HPS3: variants seen among roughly 807,000 people sequenced by gnomAD.
HPS3 encodes HPS3 biogenesis of lysosomal organelles complex 2 subunit 1.
A neutral mutation model predicts 110.9 loss-of-function variants in HPS3; 79 were observed. That is an observed-to-expected ratio of 0.71 (90% CI 0.59 to 0.86). HPS3 has a LOEUF of 0.86. Ranked by LOEUF, HPS3 falls within the 40% of genes least tolerant of loss-of-function variation. The pLI is 0.00. For missense variants in HPS3, 1,197 were observed against 1,206.2 expected, an observed-to-expected ratio of 0.99 and a Z score of 0.11; for synonymous variants, 428 against 451.0, an observed-to-expected ratio of 0.95 and a Z score of 0.65.
intron 4 of HPS3, among the ~76,000 whole-genome samples, chr3:149,142,879 C>G (rs1223166021): frequency 6.6e-6 from 1 of 152,050 alleles, no homozygotes; most frequent in African/African-American, 2.4e-5. Flanking sequence ...CTGACCTCAT[C>G]TTGAGGTCAG....
At chr3:149,138,126 C>T (rs1304364209) in intron 1 of HPS3, among the ~76,000 whole-genome samples, 1 of 152,090 alleles carries the variant, frequency 6.6e-6, no homozygotes, top group African/African-American at 2.4e-5. Context: ...AGGCATTCTA[C>T]GATCTCCAGG....
At chr3:149,139,678 G>A (rs1414518735) in intron 1 of HPS3, among the ~76,000 whole-genome samples, 1 of 152,160 alleles carries the variant, frequency 6.6e-6, no homozygotes, top group African/African-American at 2.4e-5. Context: ...TGAATTCTGT[G>A]TCAGTAGAGC....
chr3:149,144,184 G>A (rs183700691), intron 4 of HPS3, among the ~76,000 whole-genome samples: 2 of 150,778 alleles, frequency 1.3e-5, no homozygotes, highest in Non-Finnish European at 2.9e-5. Flanking sequence ...AGACCAGCCT[G>A]GCCAATATGG....
chr3:149,162,274 G>A lies in HPS3; in HGVS notation c.2233G>A (p.Val745Ile), dbSNP rs1483219181. 6.2e-7 allele frequency: 1 copy of A among 1,614,024 alleles called. No individual in the cohort carries two copies. Among genetic ancestry groups the A allele is most frequent in the Admixed American group, 1.7e-5 (1 of 59,980 alleles). Reference protein sequence around the residue: ...ETQPGLLVASVLGLQKNNKIG... With the variant: ...ETQPGLLVASILGLQKNNKIG... ...TCAGCCTGGATTGCTTGTGGCTTCAGTTCTGGGCTTGCAGAAGAACAACAA... is the reference window on the plus strand; with the variant it reads ...TCAGCCTGGATTGCTTGTGGCTTCAATTCTGGGCTTGCAGAAGAACAACAA... Residue 745 changes from valine to isoleucine, a missense_variant, in exon 12 of 17, where the codon GTT (valine) becomes ATT (isoleucine). By Grantham distance (29) the Val-to-Ile change is conservative. Transcript: ENST00000296051.
At chr3:149,138,429 T>C (rs1055295813) in intron 1 of HPS3, among the ~76,000 whole-genome samples, 1 of 152,210 alleles carries the variant, frequency 6.6e-6, no homozygotes, top group African/African-American at 2.4e-5. Context: ...CTTATCTCCT[T>C]CTTTACCCGC....
chr3:149,144,032 A>T (rs556248687), intron 4 of HPS3, among the ~76,000 whole-genome samples: 1 of 152,286 alleles, frequency 6.6e-6, no homozygotes, highest in South Asian at 2.1e-4. Flanking sequence ...ATTTCAACAT[A>T]TGTCTCTAAA....
chr3:149,154,940 A>G (rs767442989), intron 7 of HPS3, among the ~76,000 whole-genome samples, 167 bp from the exon 8 acceptor site: 12 of 152,238 alleles, frequency 7.9e-5, no homozygotes, highest in Non-Finnish European at 1.3e-4. Flanking sequence ...TAGCCTATGT[A>G]GTATTGTGAA....
rs1402327408 is a variant in HPS3, at chr3:149,173,031, C to T, written c.*809C>T. On this transcript the variant is annotated 3_prime_UTR_variant, in exon 17 of 17. Coordinates refer to ENST00000296051, the MANE Select transcript of HPS3 (RefSeq NM_032383.5). ...TCAAGTTTAGTTCATTGATATTATC[C>T]TCTGAATGCAGTTAAGGCTGGGCAG... is the stretch of plus-strand genomic sequence containing the variant. 6.6e-6 allele frequency: 1 copy of T among 152,384 alleles called. No homozygotes were observed. Among genetic ancestry groups the T allele is most frequent in the Admixed American group, 6.6e-5 (1 of 15,264 alleles). The allele number at this position is 152,384 out of a possible 1,614,324, so 9.4% of individuals were successfully genotyped here.
intron 8 of HPS3, among the ~76,000 whole-genome samples, chr3:149,157,102 T>C (rs1353697529): frequency 6.6e-6 from 1 of 152,224 alleles, no homozygotes; most frequent in Non-Finnish European, 1.5e-5. Flanking sequence ...TGGACCTCTG[T>C]AATGATTAGA....
chr3:149,164,616 G>T (rs1389828142), intron 14 of HPS3, among the ~76,000 whole-genome samples: 1 of 152,204 alleles, frequency 6.6e-6, no homozygotes, highest in Non-Finnish European at 1.5e-5. Context: ...TCTTCCCAGT[G>T]TAGGTGCTAA....
intron 1 of HPS3, among the ~76,000 whole-genome samples, chr3:149,133,204 A>G (rs1446366434): frequency 6.6e-6 from 1 of 152,264 alleles, no homozygotes; most frequent in African/African-American, 2.4e-5. Flanking sequence ...GTAAAATGCT[A>G]TCAAATAGCA....
intron 11 of HPS3, among the ~76,000 whole-genome samples, chr3:149,160,623 T>C (rs910307353): frequency 2.0e-5 from 3 of 152,186 alleles, no homozygotes; most frequent in Admixed American, 1.3e-4. Context: ...TAGTATGTAT[T>C]TAAGAACAGC....
chr3:149,163,596 G>C (rs552520524), intron 13 of HPS3, among the ~76,000 whole-genome samples: 1 of 152,168 alleles, frequency 6.6e-6, no homozygotes, highest in South Asian at 2.1e-4. Context: ...TGCTCTTTTT[G>C]CTAGAAAGTG....
chr3:149,158,024 T>C (rs1723562325), intron 9 of HPS3, among the ~76,000 whole-genome samples: 1 of 152,218 alleles, frequency 6.6e-6, no homozygotes, highest in East Asian at 1.9e-4. Flanking sequence ...ACAGCTCTAA[T>C]CATTAGAGAG....
chr3:149,151,079 A>G (rs1404255294), intron 6 of HPS3, among the ~76,000 whole-genome samples: 5 of 151,984 alleles, frequency 3.3e-5, no homozygotes, highest in African/African-American at 4.8e-5. Context: ...AAAGTCATAG[A>G]TCACTGCAGC....
At chr3:149,166,095 A>G (rs767952088) in intron 14 of HPS3, 9 of 445,754 alleles carry the variant, frequency 2.0e-5, no homozygotes, top group South Asian at 9.7e-5. Context: ...GGACATGACC[A>G]TCTCATCTTT....
chr3:149,162,200 G>A lies in HPS3; in HGVS notation c.2159G>A (p.Arg720Lys), dbSNP rs762317347. 2 of 1,614,022 alleles carry A rather than the reference G, an allele frequency of 1.2e-6. No homozygotes were observed. The highest frequency in any genetic ancestry group is 1.7e-5 in the Admixed American group (1 of 59,978). The change falls in exon 12 of 17, where the codon AGA (arginine) becomes AAA (lysine). Residue 720 changes from arginine (R) to lysine (K), a missense_variant. Physicochemically the swap from Arg to Lys is conservative, Grantham distance 26. Coordinates refer to ENST00000296051, the MANE Select transcript of HPS3 (RefSeq NM_032383.5). Reference sequence around the variant, plus strand: ...GAACCTCGGCTGTTGATTCAACAGAGAAAGGGACAGATTGTTCCAACCGAG... The same window carrying A: ...GAACCTCGGCTGTTGATTCAACAGAAAAAGGGACAGATTGTTCCAACCGAG... ...ILEPRLLIQQRKGQIVPTELA... is the reference protein window; with the variant it reads ...ILEPRLLIQQKKGQIVPTELA...
At position 149,153,498 on chromosome 3, in the gene HPS3, G is replaced by A. The variant is rs1268192836; in HGVS notation, c.1250G>A (p.Cys417Tyr). The A allele has an allele frequency of 6.8e-6, 11 of 1,613,260 alleles. No homozygotes were observed. The highest frequency in any genetic ancestry group is 1.1e-5 in the South Asian group (1 of 91,056). ...DPYMDTTLKACPPVSMDVCAL... is the reference protein window; with the variant it reads ...DPYMDTTLKAYPPVSMDVCAL... Reference sequence around the variant, plus strand: ...TATGTGATTTTCCTTTACTAGGCTTGCCCACCTGTCAGTATGGATGTCTGT... The same window carrying A: ...TATGTGATTTTCCTTTACTAGGCTTACCCACCTGTCAGTATGGATGTCTGT... The change falls in exon 7 of 17, where the codon TGC becomes TAC. Residue 417 changes from cysteine (C) to tyrosine (Y), a missense_variant. Physicochemically the swap from Cys to Tyr is radical, Grantham distance 194 (BLOSUM62 -2). Transcript: ENST00000296051.
intron 1 of HPS3, 111 bp from the exon 2 acceptor site, chr3:149,139,893 G>A: frequency 2.0e-6 from 2 of 1,024,346 alleles, no homozygotes; most frequent in Non-Finnish European, 2.9e-6. Context: ...ATTCTATTCA[G>A]TCTTTAATTC....
Sources: gnomAD v4.1 joint callset for allele counts (sites outside exome capture counted in the v4.1 genomes callset) on GRCh38, gnomAD v4.1.1 for gene constraint, MANE v1.5 for transcripts, NCBI Gene and HGNC (gene_info 2026-07-23, HGNC 2026-07-21) for gene names.